The following SPAG6 variants were observed in gnomAD, a reference collection of about 807,000 sequenced individuals.
The protein encoded by SPAG6 is sperm-associated antigen 6.
A neutral mutation model predicts 58.5 loss-of-function variants in SPAG6; 49 were observed. That is an observed-to-expected ratio of 0.84 (90% CI 0.67 to 1.06). The LOEUF (loss-of-function observed/expected upper bound fraction) is 1.06. Among genes scored for constraint, SPAG6 ranks in the 50% least tolerant of loss-of-function variants. The pLI is 0.00. For missense variants in SPAG6, 560 were observed against 611.3 expected (o/e 0.92, Z 0.89); for synonymous variants, 233 against 225.6 (o/e 1.03, Z -0.29).
At chr10:22,373,732 A>G (rs1833757826) in intron 4 of SPAG6, among the ~76,000 whole-genome samples, 1 of 152,072 alleles carries the variant, frequency 6.6e-6, no homozygotes, top group Non-Finnish European at 1.5e-5. Context: ...TTCTTTTCAT[A>G]CCTTTTTTTC....
rs199594071 is a variant in SPAG6 at position 22,384,844 on chromosome 10, A to G, written c.473-1910A>G. ...CTAAGGAAGAAGGACATTGCACTCA[A>G]GAATTACTCAAGGAACAGGTCAAAT... On this transcript the variant is annotated intron_variant, in intron 4 of 10. Transcript: ENST00000376624. Among the ~76,000 whole-genome samples the G allele has an allele frequency of 1.4e-4, 21 of 152,352 alleles. 1 individual carries two copies. In the East Asian group the frequency reaches 4.0e-3, roughly 29 times the overall value.
At chr10:22,387,527 G>A (rs1413948587) in intron 5 of SPAG6, among the ~76,000 whole-genome samples, 1 of 152,084 alleles carries the variant, frequency 6.6e-6, no homozygotes, top group African/African-American at 2.4e-5. Flanking sequence ...AGCAATTTCA[G>A]TGTTGCATAA....
intron 9 of SPAG6, among the ~76,000 whole-genome samples, chr10:22,408,944 C>CCCT (rs1394085099): frequency 6.6e-6 from 1 of 152,206 alleles, no homozygotes; most frequent in Non-Finnish European, 1.5e-5. Context: ...AAAGGGAACT[C>CCCT]CCTGACCCCT....
chr10:22,398,068 T>A (rs1834335566), intron 8 of SPAG6, among the ~76,000 whole-genome samples: 1 of 152,256 alleles, frequency 6.6e-6, no homozygotes, highest in Admixed American at 6.5e-5. Context: ...TATGTATCAA[T>A]GGAATTGAAT....
intron 9 of SPAG6, among the ~76,000 whole-genome samples, chr10:22,406,805 A>G (rs1337318170): frequency 6.6e-6 from 1 of 151,968 alleles, no homozygotes; most frequent in African/African-American, 2.4e-5. Context: ...GACTTGCTTT[A>G]TGAATCTTGG....
chr10:22,401,655 T>C (rs750840084), intron 9 of SPAG6, among the ~76,000 whole-genome samples: 5 of 152,234 alleles, frequency 3.3e-5, no homozygotes, highest in Non-Finnish European at 5.9e-5. Flanking sequence ...CACCGAAATA[T>C]CTTTCATGAA....
intron 9 of SPAG6, among the ~76,000 whole-genome samples, chr10:22,406,761 T>C (rs1834568110): frequency 6.6e-6 from 1 of 152,190 alleles, no homozygotes; most frequent in Non-Finnish European, 1.5e-5. Flanking sequence ...ATTATTATTG[T>C]GTGGGAGTCT....
intron 8 of SPAG6, among the ~76,000 whole-genome samples, chr10:22,395,965 C>A (rs1834282475): frequency 6.6e-6 from 1 of 152,102 alleles, no homozygotes; most frequent in African/African-American, 2.4e-5. Flanking sequence ...CTACCTGAGA[C>A]TGGGTAATTG....
chr10:22,348,383 A>G (rs771525564), intron 2 of SPAG6, among the ~76,000 whole-genome samples: 16 of 152,224 alleles, frequency 1.1e-4, no homozygotes, highest in Non-Finnish European at 1.8e-4. Context: ...GTGTAAATCA[A>G]TTATACATTA....
chr10:22,409,701 T>C (rs1000013700), intron 9 of SPAG6, among the ~76,000 whole-genome samples: 1 of 152,134 alleles, frequency 6.6e-6, no homozygotes, highest in Admixed American at 6.5e-5. Context: ...GTCAGAGGGA[T>C]AGTAGCAGTG....
chr10:22,367,853 TA>T (rs11366499), intron 3 of SPAG6, among the ~76,000 whole-genome samples: 7,936 of 151,300 alleles, frequency 0.052, 717 homozygotes, highest in African/African-American at 0.18. Context: ...GCTTTTATCT[TA>T]AAAAAAAAGC....
At chr10:22,353,746 A>G (rs1208175022) in intron 2 of SPAG6, among the ~76,000 whole-genome samples, 1 of 152,252 alleles carries the variant, frequency 6.6e-6, no homozygotes, top group African/African-American at 2.4e-5. Context: ...GGAAAGACAT[A>G]TAAATAAATT....
At chr10:22,364,504 C>G (rs2132048403) in intron 2 of SPAG6, among the ~76,000 whole-genome samples, 1 of 152,104 alleles carries the variant, frequency 6.6e-6, no homozygotes, top group East Asian at 1.9e-4. Flanking sequence ...TGGGGGGAAG[C>G]CCTATCTTTT....
At chr10:22,408,847 T>G (rs1834636555) in intron 9 of SPAG6, among the ~76,000 whole-genome samples, 1 of 152,204 alleles carries the variant, frequency 6.6e-6, no homozygotes, top group African/African-American at 2.4e-5. Context: ...GGTGCTCCGT[T>G]TTTTAAGCCG....
intron 2 of SPAG6, chr10:22,360,850 T>A: frequency 1.3e-6 from 2 of 1,527,580 alleles, no homozygotes; most frequent in Non-Finnish European, 8.8e-7. Flanking sequence ...GATCTCTGGA[T>A]ACCTAATGGA....
chr10:22,368,462 T>G, intron 3 of SPAG6, 33 bp from the exon 4 acceptor site: 1 of 1,586,272 alleles, frequency 6.3e-7, no homozygotes. Flanking sequence ...AGTACTCAAT[T>G]CATTTTGAGT....
intron 8 of SPAG6, among the ~76,000 whole-genome samples, chr10:22,395,467 G>A (rs1834272891): frequency 6.6e-6 from 1 of 152,120 alleles, no homozygotes; most frequent in South Asian, 2.1e-4. Context: ...GTTTGCATTT[G>A]TCAAATGGCT....
chr10:22,401,689 T>C (rs1051862244), intron 9 of SPAG6, among the ~76,000 whole-genome samples: 1 of 152,358 alleles, frequency 6.6e-6, no homozygotes, highest in East Asian at 1.9e-4. Context: ...ACTGGAGATG[T>C]TCTCAGACAG....
chr10:22,353,245 T>C (rs1836780717), intron 2 of SPAG6, among the ~76,000 whole-genome samples: 1 of 152,266 alleles, frequency 6.6e-6, no homozygotes, highest in Non-Finnish European at 1.5e-5. Context: ...CTGTTTATTC[T>C]TTGTGCTGCC....
Sources: gnomAD v4.1 joint callset for allele counts (sites outside exome capture counted in the v4.1 genomes callset) on GRCh38, gnomAD v4.1.1 for gene constraint, MANE v1.5 for transcripts, NCBI Gene and HGNC (gene_info 2026-07-23, HGNC 2026-07-21) for gene names.